The following KCND2 variants were observed in gnomAD, a reference collection of about 807,000 sequenced individuals.
The protein encoded by KCND2 is A-type voltage-gated potassium channel KCND2.
A neutral mutation model predicts 54.4 loss-of-function variants in KCND2; 16 were observed. That is an observed-to-expected ratio of 0.29 (90% CI 0.20 to 0.45). The LOEUF (loss-of-function observed/expected upper bound fraction) is 0.45, where lower values mean the gene tolerates loss of function less well. KCND2 is among the 20% of genes least tolerant of loss of function. The pLI is 1.00. For missense variants in KCND2, 486 were observed against 824.2 expected (o/e 0.59, Z 5.02); for synonymous variants, 317 against 310.7 (o/e 1.02, Z -0.21).
At chr7:120,513,056 A>G (rs1584808552) in intron 1 of KCND2, among the ~76,000 whole-genome samples, 1 of 151,986 alleles carries the variant, frequency 6.6e-6, no homozygotes, top group Non-Finnish European at 1.5e-5. Context: ...GCCTCAGTCT[A>G]CCAAAGTGCT....
chr7:120,390,377 G>A (rs888345504), intron 1 of KCND2, among the ~76,000 whole-genome samples: 3 of 151,772 alleles, frequency 2.0e-5, no homozygotes, highest in African/African-American at 4.8e-5. Flanking sequence ...CATCATTTAC[G>A]GAGGATTTAC....
rs1209341023 is a variant in KCND2 at position 120,444,231 on chromosome 7, T to C, written c.1115+168484T>C. 2.0e-5 allele frequency among the ~76,000 whole-genome samples: 3 copies of C among 152,228 alleles called. No individual in the cohort carries two copies. The East Asian group carries it at 5.8e-4, about 29-fold the overall frequency. ...TTGTGCTTCCTTGCTCATAGTGAGT[T>C]GTGCTGAAATTTGCTCACTTTGGAA... On this transcript the variant is annotated intron_variant, in intron 1 of 5. Coordinates refer to ENST00000331113, the MANE Select transcript of KCND2 (RefSeq NM_012281.3).
At chr7:120,649,984 C>T (rs551436540) in intron 1 of KCND2, among the ~76,000 whole-genome samples, 12 of 152,188 alleles carry the variant, frequency 7.9e-5, no homozygotes, top group South Asian at 2.1e-4. Context: ...CCGAGAGATC[C>T]GCTGTTAGTC....
intron 1 of KCND2, among the ~76,000 whole-genome samples, chr7:120,417,099 A>T (rs6946480): frequency 0.013 from 2,015 of 152,296 alleles, 45 homozygotes; most frequent in African/African-American, 0.046. Flanking sequence ...CACCTGCCTC[A>T]GTCTCCCAAA....
At chr7:120,304,203 G>T (rs563767760) in intron 1 of KCND2, among the ~76,000 whole-genome samples, 1 of 152,120 alleles carries the variant, frequency 6.6e-6, no homozygotes, top group Admixed American at 6.6e-5. Context: ...TGTCTTATAT[G>T]TGAAGAAGTA....
intron 1 of KCND2, among the ~76,000 whole-genome samples, chr7:120,644,582 C>T (rs547039801): frequency 6.6e-6 from 1 of 152,256 alleles, no homozygotes; most frequent in East Asian, 1.9e-4. Context: ...CAAATGACAG[C>T]ATCCAACTAG....
chr7:120,621,203 G>C (rs1221201437), intron 1 of KCND2, among the ~76,000 whole-genome samples: 1 of 149,468 alleles, frequency 6.7e-6, no homozygotes, highest in Non-Finnish European at 1.5e-5. Context: ...AACCCAGGAG[G>C]CGGAGGTTGC....
Position 120,490,827 on chromosome 7 carries a change from G to A in KCND2, c.1115+215080G>A, listed in dbSNP as rs182855216. Among the ~76,000 whole-genome samples, 243 of 152,238 alleles carry A rather than the reference G, an allele frequency of 1.6e-3. 1 individual carries two copies. Among genetic ancestry groups the A allele is most frequent in the Admixed American group, 2.8e-3 (43 of 15,280 alleles). On this transcript the variant is annotated intron_variant, in intron 1 of 5. Coordinates refer to ENST00000331113, the MANE Select transcript of KCND2 (RefSeq NM_012281.3). ...TCAAGAAATAATATTTCTCTCCTTT[G>A]TCAGCATTAGTCGTCAGCACCTGGT... is the stretch of plus-strand genomic sequence containing the variant.
intron 1 of KCND2, among the ~76,000 whole-genome samples, chr7:120,695,948 A>G (rs1364360245): frequency 6.6e-6 from 1 of 152,220 alleles, no homozygotes; most frequent in African/African-American, 2.4e-5. Flanking sequence ...TAAATCAAAG[A>G]GTCAACTAAT....
intron 1 of KCND2, among the ~76,000 whole-genome samples, chr7:120,551,873 C>T (rs568898143): frequency 6.6e-6 from 1 of 152,236 alleles, no homozygotes; most frequent in South Asian, 2.1e-4. Flanking sequence ...AGACAAAAGC[C>T]TTTGCCTCTA....
At chr7:120,420,148 T>C (rs550196747) in intron 1 of KCND2, among the ~76,000 whole-genome samples, 2 of 152,228 alleles carry the variant, frequency 1.3e-5, no homozygotes, top group South Asian at 4.1e-4. Context: ...GAGTACTACA[T>C]GTGATTAATC....
chr7:120,331,593 T>C (rs1303655866), intron 1 of KCND2, among the ~76,000 whole-genome samples: 1 of 152,066 alleles, frequency 6.6e-6, no homozygotes, highest in African/African-American at 2.4e-5. Flanking sequence ...TATACCATAT[T>C]AGCAGAAACG....
At chr7:120,675,325 T>G (rs1402982984) in intron 1 of KCND2, among the ~76,000 whole-genome samples, 1 of 152,048 alleles carries the variant, frequency 6.6e-6, no homozygotes, top group African/African-American at 2.4e-5. Context: ...CTCTGCCCCC[T>G]GGGTTCAAGT....
chr7:120,440,231 C>G (rs1452881510), intron 1 of KCND2, among the ~76,000 whole-genome samples: 1 of 151,910 alleles, frequency 6.6e-6, no homozygotes, highest in Non-Finnish European at 1.5e-5. Flanking sequence ...TCTTGACTTG[C>G]GTTTCTCTGA....
intron 1 of KCND2, among the ~76,000 whole-genome samples, chr7:120,506,890 T>G (rs1267027258): frequency 2.6e-5 from 4 of 151,874 alleles, no homozygotes. Flanking sequence ...TGTTGTTTAC[T>G]GAAGTCTTTA....
At chr7:120,326,520 C>T (rs192273381) in intron 1 of KCND2, among the ~76,000 whole-genome samples, 43 of 152,090 alleles carry the variant, frequency 2.8e-4, no homozygotes, top group Non-Finnish European at 4.6e-4. Flanking sequence ...AAAATCAAGA[C>T]TAATTGGTAG....
intron 1 of KCND2, among the ~76,000 whole-genome samples, chr7:120,564,052 A>G (rs1485196396): frequency 1.3e-5 from 2 of 152,184 alleles, no homozygotes; most frequent in Non-Finnish European, 2.9e-5. Context: ...AGAAAAACTC[A>G]TTTCTATATA....
intron 1 of KCND2, among the ~76,000 whole-genome samples, chr7:120,661,895 G>C (rs976152884): frequency 1.3e-5 from 2 of 152,140 alleles, no homozygotes; most frequent in African/African-American, 2.4e-5. Context: ...CTGAGCTACA[G>C]GTATTTTTAA....
chr7:120,523,125 G>C (rs1791720213), intron 1 of KCND2, among the ~76,000 whole-genome samples: 1 of 152,134 alleles, frequency 6.6e-6, no homozygotes, highest in Admixed American at 6.5e-5. Context: ...TGTTCTTAAA[G>C]TGAGCCCATC....
Sources: gnomAD v4.1 joint callset for allele counts (sites outside exome capture counted in the v4.1 genomes callset) on GRCh38, gnomAD v4.1.1 for gene constraint, MANE v1.5 for transcripts, NCBI Gene and HGNC (gene_info 2026-07-23, HGNC 2026-07-21) for gene names.